The following SNRPN variants were observed in gnomAD, a reference collection of about 807,000 sequenced individuals.
The protein encoded by SNRPN is small nuclear ribonucleoprotein polypeptide N, also known as small nuclear ribonucleoprotein-associated protein N.
SNRPN carries 7 observed loss-of-function variants against 25.2 expected under a neutral mutation model. The observed-to-expected ratio is 0.28, with a 90% CI of 0.16 to 0.52. The LOEUF (loss-of-function observed/expected upper bound fraction) is 0.52. Ranked by LOEUF, SNRPN falls within the 20% of genes least tolerant of loss-of-function variation. The pLI, the probability that SNRPN is intolerant of heterozygous loss-of-function variation, is 0.96. For missense variants in SNRPN, 196 were observed against 322.5 expected, an observed-to-expected ratio of 0.61 and a Z score of 3.00; for synonymous variants, 124 against 110.6, an observed-to-expected ratio of 1.12 and a Z score of -0.76.
chr15:24,910,620 G>A (rs546409703), intron 2 of SNRPN, among the ~76,000 whole-genome samples: 1 of 152,094 alleles, frequency 6.6e-6, no homozygotes, highest in African/African-American at 2.4e-5. Context: ...TCAGCCTCCT[G>A]AGCAGCTGGG....
chr15:24,904,053 G>T (rs978852635), intron 2 of SNRPN, among the ~76,000 whole-genome samples: 2 of 144,268 alleles, frequency 1.4e-5, no homozygotes, highest in African/African-American at 5.1e-5. Flanking sequence ...AAAAAAAAAA[G>T]ATCGGAGCAA....
chr15:24,897,922 C>G (rs11639066), intron 2 of SNRPN, among the ~76,000 whole-genome samples: 10,307 of 152,130 alleles, frequency 0.068, 486 homozygotes, highest in Non-Finnish European at 0.1. Context: ...GGCTGAGAAT[C>G]AACTAATACA....
intron 3 of SNRPN, among the ~76,000 whole-genome samples, chr15:24,974,020 T>C (rs774378875): frequency 1.3e-5 from 2 of 152,154 alleles, no homozygotes; most frequent in Non-Finnish European, 2.9e-5. Flanking sequence ...CTACCTTAAA[T>C]AAGGATGGAA....
intron 1 of SNRPN, among the ~76,000 whole-genome samples, chr15:24,874,617 A>G (rs75220565): frequency 0.039 from 6,012 of 152,316 alleles, 196 homozygotes; most frequent in Non-Finnish European, 0.056. Context: ...TCTAGTCATA[A>G]TATGGCTGTC....
rs1566908538 is a variant in SNRPN, at chr15:24,918,370, A to ATATATATAACATTATATATATGTG, written c.-504-1629_-504-1628insTATATATATGTGTATATATAACAT. 3.1e-4 allele frequency among the ~76,000 whole-genome samples: 38 copies of ATATATATAACATTATATATATGTG among 124,442 alleles called. 4 individuals carry two copies. The highest frequency in any genetic ancestry group is 1.0e-3 in the African/African-American group (35 of 33,434). 81.6% of individuals were successfully genotyped at this position (124,442 alleles called of 152,430 possible). A position where few individuals can be genotyped will look rare whatever the true frequency, so the allele number is the denominator to read the frequency against. ...TATATATAACATTATATATATGTGT[A>ATATATATAACATTATATATATGTG]TATATATAACATAATATATATGTGT... On this transcript the variant is annotated intron_variant, in intron 2 of 11. Coordinates refer to the SNRPN transcript ENST00000400097.
At chr15:24,941,621 T>G (rs149953234) in intron 3 of SNRPN, among the ~76,000 whole-genome samples, 3,128 of 152,296 alleles carry the variant, frequency 0.021, 68 homozygotes, top group Admixed American at 0.071. Context: ...GTACTTCATA[T>G]GTATTCTTCC....
At chr15:24,850,789 C>G (rs2052749897) in intron 2 of SNRPN, 1 of 152,190 alleles carries the variant, frequency 6.6e-6, no homozygotes, top group South Asian at 2.1e-4. Context: ...AGGGGGAAGT[C>G]AGGGCTCACT....
intron 3 of SNRPN, among the ~76,000 whole-genome samples, chr15:24,939,621 C>T (rs977843848): frequency 1.3e-4 from 20 of 151,818 alleles, no homozygotes; most frequent in African/African-American, 4.4e-4. Flanking sequence ...TTAGTAGAGA[C>T]GGGGTTTCAC....
intron 3 of SNRPN, among the ~76,000 whole-genome samples, chr15:24,933,848 T>C (rs563333752): frequency 6.6e-6 from 1 of 152,084 alleles, no homozygotes; most frequent in African/African-American, 2.4e-5. Flanking sequence ...CACAGGCTAA[T>C]TGGAAAACAG....
chr15:24,924,070 C>T (rs769333773), intron 3 of SNRPN, among the ~76,000 whole-genome samples: 38 of 151,084 alleles, frequency 2.5e-4, no homozygotes, highest in Non-Finnish European at 5.5e-4. Flanking sequence ...GTCTTTCCTC[C>T]TGTACAGGAG....
intron 2 of SNRPN, among the ~76,000 whole-genome samples, chr15:24,845,869 C>T (rs924215033): frequency 5.3e-5 from 8 of 151,654 alleles, no homozygotes; most frequent in East Asian, 2.0e-4. Flanking sequence ...TGGATCACGA[C>T]GTCAGGAGCT....
intron 2 of SNRPN, among the ~76,000 whole-genome samples, chr15:24,907,588 A>T (rs920411051): frequency 6.6e-6 from 1 of 151,806 alleles, no homozygotes; most frequent in African/African-American, 2.4e-5. Flanking sequence ...ACAGAGCGAG[A>T]CTCCATCTCA....
intron 2 of SNRPN, among the ~76,000 whole-genome samples, chr15:24,898,330 C>T (rs1260367256): frequency 6.6e-6 from 1 of 152,202 alleles, no homozygotes; most frequent in East Asian, 1.9e-4. Flanking sequence ...TGGCTTACGC[C>T]TGTAATCGCA....
At chr15:24,876,089 T>G (rs1294717067) in intron 1 of SNRPN, among the ~76,000 whole-genome samples, 1 of 151,792 alleles carries the variant, frequency 6.6e-6, no homozygotes, top group Non-Finnish European at 1.5e-5. Context: ...AAATAAAAAT[T>G]TTAAAAATAA....
intron 2 of SNRPN, chr15:24,848,410 C>T (rs1172651355): frequency 6.6e-6 from 1 of 152,196 alleles, no homozygotes; most frequent in Non-Finnish European, 1.5e-5. Flanking sequence ...GCTTATACCG[C>T]GGAAACTTTA....
chr15:24,848,319 C>G (rs1420440783), intron 2 of SNRPN: 1 of 149,046 alleles, frequency 6.7e-6, no homozygotes, highest in Non-Finnish European at 1.5e-5. Context: ...CGGTGTTGCC[C>G]TTTCCCCCTG....
intron 1 of SNRPN, among the ~76,000 whole-genome samples, chr15:24,863,509 A>G (rs2054214028): frequency 6.7e-6 from 1 of 150,206 alleles, no homozygotes; most frequent in Admixed American, 6.6e-5. Context: ...TTCTTACAAA[A>G]TCCTCATGAA....
intron 2 of SNRPN, among the ~76,000 whole-genome samples, chr15:24,918,534 CAT>C (rs1329853940): frequency 2.7e-5 from 3 of 112,490 alleles, no homozygotes; most frequent in Admixed American, 2.1e-4. Flanking sequence ...GTATATATAA[CAT>C]AATATATATG....
intron 2 of SNRPN, among the ~76,000 whole-genome samples, chr15:24,894,203 A>C (rs1486204785): frequency 2.0e-5 from 3 of 150,746 alleles, no homozygotes; most frequent in African/African-American, 7.4e-5. Context: ...TCAAGTGGAA[A>C]ACCAAGCCAA....
Sources: gnomAD v4.1 joint callset for allele counts (sites outside exome capture counted in the v4.1 genomes callset) on GRCh38, gnomAD v4.1.1 for gene constraint, MANE v1.5 for transcripts, NCBI Gene and HGNC (gene_info 2026-07-23, HGNC 2026-07-21) for gene names.